UNC79: variants seen among roughly 807,000 people sequenced by gnomAD.
UNC79 encodes the protein protein unc-79 homolog.
Under a neutral mutation model 283.1 loss-of-function variants are expected in UNC79, and 37 were observed. The observed-to-expected ratio is 0.13, with a 90% CI of 0.10 to 0.17. UNC79 has a LOEUF of 0.17. UNC79 is among the 10% of genes least tolerant of loss of function. The pLI is 1.00. For missense variants in UNC79, 2,272 were observed against 3,211.1 expected, an observed-to-expected ratio of 0.71 and a Z score of 7.07; for synonymous variants, 1,107 against 1,200.2, an observed-to-expected ratio of 0.92 and a Z score of 1.61.
At chr14:93,443,559 G>T (rs1189726612) in intron 1 of UNC79, among the ~76,000 whole-genome samples, 1 of 151,882 alleles carries the variant, frequency 6.6e-6, no homozygotes, top group African/African-American at 2.4e-5. Flanking sequence ...GAGTAGTTGG[G>T]ATTACAGGTG....
intron 26 of UNC79, 74 bp downstream of exon 26, chr14:93,603,492 T>C: frequency 2.6e-6 from 4 of 1,521,064 alleles, no homozygotes; most frequent in Non-Finnish European, 3.6e-6. Flanking sequence ...TTGTTGAATG[T>C]TCACAGAGAG....
intron 4 of UNC79, among the ~76,000 whole-genome samples, chr14:93,479,233 C>T (rs866919543): frequency 4.6e-5 from 6 of 129,572 alleles, no homozygotes; most frequent in South Asian, 2.5e-4. Flanking sequence ...CCTTCCTTTC[C>T]TTCCTTCCTC....
At chr14:93,517,451 T>A (rs2060122523) in intron 7 of UNC79, among the ~76,000 whole-genome samples, 1 of 143,488 alleles carries the variant, frequency 7.0e-6, no homozygotes, top group African/African-American at 2.5e-5. Flanking sequence ...AATTATTATG[T>A]TAACTGTAGG....
chr14:93,566,542 C>T (rs2062892298), intron 14 of UNC79, among the ~76,000 whole-genome samples: 1 of 151,910 alleles, frequency 6.6e-6, no homozygotes, highest in African/African-American at 2.4e-5. Flanking sequence ...TGGCCCGCGG[C>T]AACAATGCTG....
chr14:93,486,568 C>T lies in UNC79; in HGVS notation c.620-1095C>T, dbSNP rs185440437. On this transcript the variant is annotated intron_variant, in intron 4 of 48. Transcript: ENST00000555664. The stretch of plus-strand genomic sequence containing the variant: ...ACTCGGGAGGCCGAGGCAGGAGAAT[C>T]GCTTGAACCCAGGGGTTGGAGGTTG... Among the ~76,000 whole-genome samples, 460 of 149,104 alleles carry T rather than the reference C, an allele frequency of 3.1e-3. 1 individual carries two copies. The highest frequency in any genetic ancestry group is 0.011 in the African/African-American group (454 of 40,136).
intron 1 of UNC79, among the ~76,000 whole-genome samples, chr14:93,370,950 G>A (rs1234680672): frequency 6.6e-6 from 1 of 151,894 alleles, no homozygotes; most frequent in Non-Finnish European, 1.5e-5. Flanking sequence ...AAAAATAGAA[G>A]AATTATTTGA....
At position 93,407,358 on chromosome 14, in the gene UNC79, CACTT is replaced by C. The variant is rs529989916; in HGVS notation, c.-350-60311_-350-60308del. ...CTCTAAATGCAATACCTGATAGAAA[CACTT>C]AAACAATAATTGACACATTGCTGGA... On this transcript the variant is annotated intron_variant, in intron 1 of 49. Transcript: ENST00000256339. Among the ~76,000 whole-genome samples the C allele has an allele frequency of 3.4e-4, 52 of 152,280 alleles. 1 individual carries two copies. In the East Asian group the frequency reaches 9.5e-3, roughly 28 times the overall value.
intron 1 of UNC79, chr14:93,464,650 A>G: frequency 2.2e-6 from 1 of 455,508 alleles, no homozygotes; most frequent in East Asian, 6.9e-5. Context: ...AGATAGTATA[A>G]CTATAATTGA....
intron 1 of UNC79, among the ~76,000 whole-genome samples, chr14:93,405,554 A>G: frequency 6.6e-6 from 1 of 152,208 alleles, no homozygotes; most frequent in Non-Finnish European, 1.5e-5. Flanking sequence ...TAATCTGAGA[A>G]CATTACAAAC....
intron 1 of UNC79, chr14:93,335,119 T>G (rs2053550018): frequency 6.6e-6 from 1 of 152,356 alleles, no homozygotes; most frequent in East Asian, 1.9e-4. Context: ...TCTAAAACTT[T>G]TTGAAAAGCC....
chr14:93,416,648 G>T (rs899089195), intron 1 of UNC79, among the ~76,000 whole-genome samples: 3 of 152,078 alleles, frequency 2.0e-5, no homozygotes, highest in African/African-American at 7.2e-5. Flanking sequence ...ATTATTGTGT[G>T]GGAGTCTAAG....
At chr14:93,595,429 G>GT (rs1374973154) in intron 23 of UNC79, among the ~76,000 whole-genome samples, 1 of 152,008 alleles carries the variant, frequency 6.6e-6, no homozygotes, top group African/African-American at 2.4e-5. Context: ...TTTTAATGGG[G>GT]TTTTTTTGAA....
intron 1 of UNC79, chr14:93,347,420 T>C (rs11629131): frequency 0.025 from 36,077 of 1,466,452 alleles, 631 homozygotes; most frequent in South Asian, 0.071. Context: ...GCCATCATGG[T>C]GGGCGGGAAG....
chr14:93,469,811 G>A (rs942576501), intron 2 of UNC79, among the ~76,000 whole-genome samples: 3 of 152,120 alleles, frequency 2.0e-5, no homozygotes, highest in African/African-American at 7.2e-5. Context: ...GACCCTAGGA[G>A]TTTGAAGCTG....
At chr14:93,345,310 A>T (rs762373273) in intron 1 of UNC79, among the ~76,000 whole-genome samples, 13 of 152,232 alleles carry the variant, frequency 8.5e-5, no homozygotes, top group Non-Finnish European at 1.9e-4. Context: ...TGAGACAGTA[A>T]CAGAAAGGAA....
Position 93,393,173 on chromosome 14 carries a change from G to A in UNC79, c.-351+59650G>A, listed in dbSNP as rs1192463403. Among the ~76,000 whole-genome samples the A allele has an allele frequency of 2.0e-5, 3 of 152,292 alleles. No homozygotes were observed. In the South Asian group the frequency reaches 6.2e-4, roughly 32 times the overall value. ...CAGGATCCCAGTTGTGTGATAAACT[G>A]ACCCACTTACACAATAACAGCAATA... On this transcript the variant is annotated intron_variant, in intron 1 of 49. Transcript: ENST00000256339.
At chr14:93,530,779 G>T (rs1475564821) in intron 10 of UNC79, among the ~76,000 whole-genome samples, 1 of 151,756 alleles carries the variant, frequency 6.6e-6, no homozygotes, top group South Asian at 2.1e-4. Flanking sequence ...CGTGGCGGCG[G>T]GCACCTGTAG....
chr14:93,479,483 A>T (rs1478889749), intron 4 of UNC79, among the ~76,000 whole-genome samples: 1 of 151,976 alleles, frequency 6.6e-6, no homozygotes, highest in Non-Finnish European at 1.5e-5. Context: ...TTTTTAGTAG[A>T]GATGGGGTTT....
At chr14:93,554,352 CAAAA>C (rs779847738) in intron 14 of UNC79, among the ~76,000 whole-genome samples, 2 of 76,358 alleles carry the variant, frequency 2.6e-5, no homozygotes. Flanking sequence ...GACTCTGTCT[CAAAA>C]AAAAAAAAAA....
Sources: gnomAD v4.1 joint callset for allele counts (sites outside exome capture counted in the v4.1 genomes callset) on GRCh38, gnomAD v4.1.1 for gene constraint, MANE v1.5 for transcripts, NCBI Gene and HGNC (gene_info 2026-07-23, HGNC 2026-07-21) for gene names.